Variants in DAB1 observed in about 807,000 individuals in gnomAD.
DAB1 encodes the protein DAB adaptor protein 1, also known as disabled homolog 1.
Under a neutral mutation model 64.6 loss-of-function variants are expected in DAB1, and 15 were observed. The observed-to-expected ratio is 0.23, with a 90% confidence interval of 0.16 to 0.36. The LOEUF (loss-of-function observed/expected upper bound fraction) is 0.36, where lower values mean the gene tolerates loss of function less well. Ranked by LOEUF, DAB1 falls within the 10% of genes least tolerant of loss-of-function variation. DAB1 has a pLI of 1.00. For synonymous variants in DAB1, 235 were observed against 251.9 expected (o/e 0.93, Z 0.64); for missense variants, 596 against 706.7 (o/e 0.84, Z 1.78).
chr1:57,167,703 C>T (rs1326493055), intron 2 of DAB1, among the ~76,000 whole-genome samples: 1 of 152,116 alleles, frequency 6.6e-6, no homozygotes, highest in East Asian at 1.9e-4. Flanking sequence ...CAGTTTTTCC[C>T]ACTCAAGGCT....
intron 7 of DAB1, among the ~76,000 whole-genome samples, chr1:57,563,556 C>A (rs926660196): frequency 2.6e-5 from 4 of 152,182 alleles, no homozygotes; most frequent in African/African-American, 7.2e-5. Flanking sequence ...GAAGCTGTGA[C>A]AGATGGCACC....
At chr1:58,532,914 T>C (rs1248383692) in intron 1 of DAB1, among the ~76,000 whole-genome samples, 3 of 152,182 alleles carry the variant, frequency 2.0e-5, no homozygotes, top group African/African-American at 7.2e-5. Flanking sequence ...ATTTAGCCCA[T>C]CTCATCTTAT....
At chr1:57,012,980 T>C (rs1371776029) in intron 12 of DAB1, among the ~76,000 whole-genome samples, 1 of 151,730 alleles carries the variant, frequency 6.6e-6, no homozygotes, top group Non-Finnish European at 1.5e-5. Flanking sequence ...TGGTTCTCAG[T>C]CTGGGGCAAT....
chr1:57,034,055 C>T (rs546895785), intron 9 of DAB1, among the ~76,000 whole-genome samples: 9 of 152,142 alleles, frequency 5.9e-5, no homozygotes, highest in Admixed American at 1.3e-4. Context: ...GCCGAGGAGG[C>T]GGATCACGAG....
chr1:57,128,133 G>C (rs920514881), intron 4 of DAB1, among the ~76,000 whole-genome samples: 1 of 150,516 alleles, frequency 6.6e-6, no homozygotes, highest in South Asian at 2.1e-4. Flanking sequence ...GGAGATAAGA[G>C]TGAGAGTCTC....
chr1:57,655,457 C>T (rs1432895710), intron 6 of DAB1, among the ~76,000 whole-genome samples: 1 of 152,018 alleles, frequency 6.6e-6, no homozygotes, highest in African/African-American at 2.4e-5. Flanking sequence ...TACATCCACC[C>T]ATCTATCCTT....
intron 3 of DAB1, among the ~76,000 whole-genome samples, chr1:58,439,236 T>A (rs1304975998): frequency 6.6e-6 from 1 of 152,122 alleles, no homozygotes; most frequent in African/African-American, 2.4e-5. Context: ...AACTGATGTA[T>A]CCCACATAAC....
At chr1:57,592,908 T>G (rs1173332226) in intron 7 of DAB1, among the ~76,000 whole-genome samples, 2 of 152,164 alleles carry the variant, frequency 1.3e-5, no homozygotes, top group East Asian at 1.9e-4. Context: ...CTGACCTCAT[T>G]TAACCTTACT....
At chr1:58,315,787 G>A (rs888502268) in intron 4 of DAB1, among the ~76,000 whole-genome samples, 3 of 152,154 alleles carry the variant, frequency 2.0e-5, no homozygotes, top group African/African-American at 4.8e-5. Flanking sequence ...CTTTATTCTC[G>A]TAAATCACGG....
Position 57,011,147 on chromosome 1 carries a change from C to T in DAB1, c.1570G>A (p.Ala524Thr). 4 of 1,614,006 alleles carry T rather than the reference C, an allele frequency of 2.5e-6. No homozygotes were observed. Among genetic ancestry groups the T allele is most frequent in the Non-Finnish European group, 3.4e-6 (4 of 1,179,856 alleles). ...ESPSKSEEQE[A>T]PDGSQASSNS... ...CAAATAACAAACTGGTCACTTACAG[C>T]TTCTTGCTCTTCGCTTTTGCTGGGA... Residue 524 changes from alanine to threonine, a missense_variant and splice_region_variant, in exon 13 of 15, where the codon GCT becomes ACT. By Grantham distance (58) the Ala-to-Thr change is moderately conservative (BLOSUM62 0). Coordinates refer to ENST00000371236, the MANE Select transcript of DAB1 (RefSeq NM_001365792.1).
chr1:57,647,709 C>G (rs947527099), intron 7 of DAB1, among the ~76,000 whole-genome samples: 6 of 152,184 alleles, frequency 3.9e-5, no homozygotes, highest in African/African-American at 1.4e-4. Context: ...TTATTTCCAT[C>G]CTTCAAAGGT....
At chr1:57,553,686 A>T (rs778062917) in intron 7 of DAB1, among the ~76,000 whole-genome samples, 26 of 151,012 alleles carry the variant, frequency 1.7e-4, no homozygotes, top group African/African-American at 4.4e-4. Context: ...TAGAAAAAAT[A>T]AAAAAAAAGG....
intron 5 of DAB1, among the ~76,000 whole-genome samples, chr1:57,899,309 G>A (rs769597619): frequency 2.6e-5 from 4 of 152,118 alleles, no homozygotes; most frequent in Admixed American, 6.5e-5. Flanking sequence ...TAAACCAACA[G>A]GGATGGGAAT....
At chr1:57,452,801 G>T (rs78668531) in intron 7 of DAB1, among the ~76,000 whole-genome samples, 1 of 151,926 alleles carries the variant, frequency 6.6e-6, no homozygotes, top group Non-Finnish European at 1.5e-5. Context: ...AAACACCATT[G>T]TATTTTCAGC....
chr1:57,135,237 C>T (rs141459973), intron 4 of DAB1, among the ~76,000 whole-genome samples: 13 of 152,310 alleles, frequency 8.5e-5, no homozygotes, highest in South Asian at 2.1e-4. Flanking sequence ...AAACCTCATG[C>T]CTACTAAATA....
At position 58,281,594 on chromosome 1, in the gene DAB1, T is replaced by C. The variant is rs567377446; in HGVS notation, n.309+61758A>G. On this transcript the variant is annotated intron_variant and non_coding_transcript_variant, in intron 4 of 20. Coordinates refer to the DAB1 transcript ENST00000485760. ...TGTTTTTTTTTCTATAGTGCAGATG[T>C]TCCTCTCCTACTTAATATCTTTTGA... Among the ~76,000 whole-genome samples, 8 of 152,132 alleles carry C rather than the reference T, an allele frequency of 5.3e-5. 1 individual carries two copies. In the South Asian group the frequency reaches 1.7e-3, roughly 32 times the overall value.
intron 3 of DAB1, among the ~76,000 whole-genome samples, chr1:58,352,152 C>T (rs889686958): frequency 9.2e-5 from 14 of 151,898 alleles, no homozygotes; most frequent in African/African-American, 2.9e-4. Context: ...GTAAGCACTT[C>T]CTACAGTGCA....
At chr1:58,282,895 C>A (rs1004367291) in intron 4 of DAB1, among the ~76,000 whole-genome samples, 2 of 152,280 alleles carry the variant, frequency 1.3e-5, no homozygotes, top group East Asian at 1.9e-4. Flanking sequence ...AAAAGCGATC[C>A]TTCCATATTA....
chr1:58,129,548 T>C (rs1210173141), intron 5 of DAB1, among the ~76,000 whole-genome samples: 4 of 131,474 alleles, frequency 3.0e-5, no homozygotes, highest in Non-Finnish European at 6.3e-5. Context: ...AATTGTGATG[T>C]TACGGTGTCA....
Sources: allele counts gnomAD v4.1 joint callset (sites outside exome capture counted in the v4.1 genomes callset), GRCh38; gene constraint gnomAD v4.1.1; transcripts MANE v1.5; gene names NCBI Gene and HGNC (gene_info 2026-07-23, HGNC 2026-07-21).